Variants in SGPP2 observed in about 807,000 individuals in gnomAD.
SGPP2 encodes sphingosine-1-phosphate phosphatase 2, also known as sphingosine 1-phosphate phosphohydrolase 2.
In SGPP2, 30 loss-of-function variants were observed where a neutral mutation model predicts 33.9. The observed-to-expected ratio is 0.89, with a 90% CI of 0.66 to 1.20. SGPP2 has a LOEUF of 1.20. Among genes scored for constraint, SGPP2 ranks in the 50% most tolerant of loss-of-function variants. SGPP2 has a pLI of 0.00. For synonymous variants in SGPP2, 233 were observed against 225.0 expected (o/e 1.04, Z -0.32); for missense variants, 458 against 532.1 (o/e 0.86, Z 1.37).
intron 1 of SGPP2, among the ~76,000 whole-genome samples, chr2:222,425,368 C>T (rs958354091): frequency 6.6e-6 from 1 of 152,174 alleles, no homozygotes; most frequent in Admixed American, 6.5e-5. Context: ...CTACCCCCGG[C>T]GATGATGTCT....
At chr2:222,522,434 G>A (rs1698700394) in intron 3 of SGPP2, among the ~76,000 whole-genome samples, 1 of 152,236 alleles carries the variant, frequency 6.6e-6, no homozygotes, top group African/African-American at 2.4e-5. Context: ...CCCTGGTTAA[G>A]GCTCAGCCAC....
rs1474112838 is a variant in SGPP2, at chr2:222,476,464, G to A, written c.378+1738G>A. On this transcript the variant is annotated intron_variant, in intron 2 of 4. Coordinates refer to ENST00000321276, the MANE Select transcript of SGPP2 (RefSeq NM_152386.4). This position sits in a 1 kb window ranked among gnomAD's most constrained non-coding sequence, Gnocchi z 4.3. ...TAGCTTCTGTCTAAAAGTATAATCT[G>A]AGAGTCTGCAAAAGCATAGGCATCT... is the stretch of plus-strand genomic sequence containing the variant. 1.3e-5 allele frequency among the ~76,000 whole-genome samples: 2 copies of A among 152,124 alleles called. No individual in the cohort carries two copies. The highest frequency in any genetic ancestry group is 4.8e-5 in the African/African-American group (2 of 41,420).
intron 4 of SGPP2, among the ~76,000 whole-genome samples, chr2:222,555,445 GTTTTTT>G (rs57228014): frequency 2.3e-5 from 2 of 85,864 alleles, no homozygotes; most frequent in Admixed American, 2.5e-4. Flanking sequence ...TCTTTTATCC[GTTTTTT>G]TTTTTTTTTT....
At chr2:222,525,457 A>G (rs1488638753) in intron 4 of SGPP2, among the ~76,000 whole-genome samples, 2 of 152,168 alleles carry the variant, frequency 1.3e-5, no homozygotes, top group Non-Finnish European at 2.9e-5. Context: ...TAAGGGTCCC[A>G]CCAGGTCAGA....
At position 222,474,647 on chromosome 2, in the gene SGPP2, T is replaced by G; in HGVS notation, c.299T>G (p.Val100Gly). The change falls in exon 2 of 5, where the codon GTG (valine) becomes GGG (glycine). Residue 100 changes from valine to glycine, a missense_variant. Val to Gly is a moderately radical substitution (Grantham distance 109). Transcript: ENST00000321276. ...TTTTCAGCTGCTTTGGGCCAAGAAG[T>G]GTTCTACATCACGTTTCTTCCATTC... is the stretch of plus-strand genomic sequence containing the variant. ...FQFSAALGQE[V>G]FYITFLPFTH... is the part of the protein sequence containing the mutation. 6.2e-7 allele frequency: 1 copy of G among 1,613,946 alleles called. No homozygotes were observed. Among genetic ancestry groups the G allele is most frequent in the Non-Finnish European group, 8.5e-7 (1 of 1,179,856 alleles).
rs560720155 is a variant in SGPP2 at position 222,527,276 on chromosome 2, G to A, written c.648+2243G>A. Among the ~76,000 whole-genome samples, 3 of 151,734 alleles carry A rather than the reference G, an allele frequency of 2.0e-5. No homozygotes were observed. In the South Asian group the frequency reaches 6.3e-4, roughly 32 times the overall value. On this transcript the variant is annotated intron_variant, in intron 4 of 4. Transcript: ENST00000321276. ...TAGTGTAAACATTTTTATATGCACT[G>A]AGAAACAAAAAAAAAATTGTGTGAC...
At chr2:222,438,323 C>T (rs1048430893) in intron 1 of SGPP2, among the ~76,000 whole-genome samples, 10 of 152,324 alleles carry the variant, frequency 6.6e-5, no homozygotes, top group Admixed American at 5.9e-4. Context: ...CCAATAAGTC[C>T]AGTGTGTTTG....
At chr2:222,453,452 C>T (rs1697523876) in intron 1 of SGPP2, among the ~76,000 whole-genome samples, 1 of 152,140 alleles carries the variant, frequency 6.6e-6, no homozygotes, top group Non-Finnish European at 1.5e-5. Context: ...TCCACAACAA[C>T]AGGAGGCAAC....
At position 222,521,776 on chromosome 2, in the gene SGPP2, T is replaced by C; in HGVS notation, c.388T>C (p.Tyr130His). Residue 130 changes from tyrosine (Y) to histidine (H), a missense_variant, in exon 3 of 5, where the codon TAT becomes CAT. Coordinates refer to ENST00000321276, the MANE Select transcript of SGPP2 (RefSeq NM_152386.4). ...TCCTTTGGTTTTGCAGTTGGTGATG[T>C]ATATTGGCCAAGTGGCCAAGGATGT... is the stretch of plus-strand genomic sequence containing the variant. ...RLIIIWVLVM[Y>H]IGQVAKDVLK... The C allele has an allele frequency of 6.2e-7, 1 of 1,600,178 alleles. No homozygotes were observed. Among genetic ancestry groups the C allele is most frequent in the Non-Finnish European group, 8.5e-7 (1 of 1,175,120 alleles).
intron 2 of SGPP2, 130 bp from the exon 3 acceptor site, chr2:222,521,635 AAC>A (rs1317933741): frequency 1.1e-6 from 1 of 928,506 alleles, no homozygotes; most frequent in Non-Finnish European, 1.6e-6. Context: ...AGACTTTGCC[AAC>A]AAGTAGCTGG....
intron 1 of SGPP2, among the ~76,000 whole-genome samples, chr2:222,468,683 A>G (rs1224875636): frequency 1.3e-5 from 2 of 152,218 alleles, no homozygotes; most frequent in African/African-American, 4.8e-5. Context: ...ATGTGTTTGG[A>G]AAGCAAAGCG....
intron 2 of SGPP2, among the ~76,000 whole-genome samples, chr2:222,510,554 C>G (rs1031592271): frequency 2.0e-5 from 3 of 152,084 alleles, no homozygotes; most frequent in African/African-American, 4.8e-5. Context: ...ATCACTTTTG[C>G]TATTTCTCCA....
chr2:222,425,635 T>C (rs763182428), intron 1 of SGPP2, among the ~76,000 whole-genome samples: 14 of 152,170 alleles, frequency 9.2e-5, no homozygotes, highest in Non-Finnish European at 1.8e-4. Context: ...GGGACGCATG[T>C]CTACCGGGAG....
chr2:222,449,838 T>C (rs1490477203), intron 1 of SGPP2, among the ~76,000 whole-genome samples: 1 of 151,754 alleles, frequency 6.6e-6, no homozygotes, highest in Non-Finnish European at 1.5e-5. Context: ...CATAATTCCA[T>C]GTGCAGGGTG....
intron 2 of SGPP2, among the ~76,000 whole-genome samples, chr2:222,515,838 A>AGGCCAGCCT (rs1484153461): frequency 6.6e-6 from 1 of 151,964 alleles, no homozygotes; most frequent in African/African-American, 2.4e-5. Flanking sequence ...CAGGAGTTCA[A>AGGCCAGCCT]GGCCAGCCTG....
intron 1 of SGPP2, among the ~76,000 whole-genome samples, chr2:222,440,720 G>T (rs1160961973): frequency 6.6e-5 from 10 of 151,880 alleles, no homozygotes; most frequent in Admixed American, 6.6e-4. Context: ...GATCAAATTT[G>T]CACATTAGGA....
chr2:222,534,978 A>C (rs1413192541), intron 4 of SGPP2, among the ~76,000 whole-genome samples: 1 of 152,174 alleles, frequency 6.6e-6, no homozygotes, highest in East Asian at 1.9e-4. Context: ...GCCTTAGCAT[A>C]TTTTCCAGCA....
intron 2 of SGPP2, among the ~76,000 whole-genome samples, chr2:222,486,301 G>A (rs574545395): frequency 6.6e-5 from 10 of 152,164 alleles, no homozygotes; most frequent in Non-Finnish European, 1.2e-4. Context: ...ATCTCCTGGT[G>A]CCTGAAGCCC....
At chr2:222,427,983 A>T (rs1697097301) in intron 1 of SGPP2, among the ~76,000 whole-genome samples, 1 of 152,224 alleles carries the variant, frequency 6.6e-6, no homozygotes, top group Admixed American at 6.5e-5. Context: ...AGAAAGTCTG[A>T]GTCCTGAAGG....
Sources: gnomAD v4.1 joint callset for allele counts (sites outside exome capture counted in the v4.1 genomes callset) on GRCh38, gnomAD v4.1.1 for gene constraint, Gnocchi (gnomAD v3.1) non-coding constraint, MANE v1.5 for transcripts, NCBI Gene and HGNC (gene_info 2026-07-23, HGNC 2026-07-21) for gene names.